Variants in FBXO33 observed in about 807,000 individuals in gnomAD.
The protein encoded by FBXO33 is F-box only protein 33.
A neutral mutation model predicts 46.3 loss-of-function variants in FBXO33; 22 were observed. The ratio of observed to expected loss-of-function variants is 0.48; its 90% CI spans 0.34 to 0.68. The LOEUF (loss-of-function observed/expected upper bound fraction) is 0.68. FBXO33 is among the 30% of genes least tolerant of loss of function. The pLI is 0.01. For synonymous variants in FBXO33, 337 were observed against 291.3 expected, an observed-to-expected ratio of 1.16 and a Z score of -1.60; for missense variants, 692 against 708.8, an observed-to-expected ratio of 0.98 and a Z score of 0.27.
In FBXO33 at chr14:39,432,131, C is replaced by G; in HGVS notation, c.32G>C (p.Arg11Pro). Residue 11 changes from arginine to proline, a missense_variant, in exon 1 of 4, where the codon CGA (arginine) becomes CCA (proline). Arg to Pro is a moderately radical substitution (Grantham distance 103). Transcript: ENST00000298097. MLLFLSVPQP[R>P]PPGARTRAGA... ...GGCTCGGGTTCGAGCTCCCGGCGGT[C>G]GGGGCTGCGGCACTGACAAGAACAA... is the stretch of plus-strand genomic sequence containing the variant. 2 of 1,240,318 alleles carry G rather than the reference C, an allele frequency of 1.6e-6. No individual in the cohort carries two copies. The highest frequency in any genetic ancestry group is 2.0e-6 in the Non-Finnish European group (2 of 993,686). 76.8% of individuals were successfully genotyped at this position (1,240,318 alleles called of 1,614,324 possible).
chr14:39,411,756 C>T (rs1229179270), intron 1 of FBXO33, among the ~76,000 whole-genome samples: 2 of 152,066 alleles, frequency 1.3e-5, no homozygotes, highest in East Asian at 1.9e-4. Flanking sequence ...CTCTTGACCT[C>T]GTGATCCGCC....
chr14:39,401,948 G>A (rs1431695727), intron 2 of FBXO33, 87 bp from the exon 3 acceptor site: 2 of 1,095,472 alleles, frequency 1.8e-6, no homozygotes, highest in Non-Finnish European at 2.6e-6. Flanking sequence ...GCAATGAAAA[G>A]CATGCAATTT....
rs1042299601 is a variant in FBXO33 at position 39,432,237 on chromosome 14, G to A, written c.-75C>T. The A allele has an allele frequency of 5.3e-6, 6 of 1,128,274 alleles. No individual in the cohort carries two copies. The highest frequency in any genetic ancestry group is 3.9e-5 in the East Asian group (1 of 25,698). The allele number at this position is 1,128,274 out of a possible 1,614,324, so 69.9% of individuals were successfully genotyped here. ...AAGTAGAACACAAGTTGTGGAGAGGGGGAAAGGCCTCTGCGGGCGTGGCCT... is the reference window on the plus strand; with the variant it reads ...AAGTAGAACACAAGTTGTGGAGAGGAGGAAAGGCCTCTGCGGGCGTGGCCT... On this transcript the variant is annotated 5_prime_UTR_variant, in exon 1 of 4. Coordinates refer to ENST00000298097, the MANE Select transcript of FBXO33 (RefSeq NM_203301.4).
At chr14:39,431,400 C>T (rs1335842127) in intron 1 of FBXO33, among the ~76,000 whole-genome samples, 164 bp downstream of exon 1, 1 of 152,302 alleles carries the variant, frequency 6.6e-6, no homozygotes, top group African/African-American at 2.4e-5. Context: ...CCCGTTATGC[C>T]TTTCCGCTCA....
chr14:39,426,724 G>C (rs147660539), intron 1 of FBXO33, among the ~76,000 whole-genome samples: 1 of 152,290 alleles, frequency 6.6e-6, no homozygotes, highest in East Asian at 1.9e-4. Context: ...CTTGTGTGTG[G>C]AATGCTATTT....
chr14:39,405,695 G>T (rs2075393313), intron 1 of FBXO33, among the ~76,000 whole-genome samples: 1 of 151,806 alleles, frequency 6.6e-6, no homozygotes, highest in Non-Finnish European at 1.5e-5. Context: ...AACCAACATT[G>T]TGAGAAAAAT....
At chr14:39,413,311 T>A (rs1443844363) in intron 1 of FBXO33, among the ~76,000 whole-genome samples, 1 of 152,244 alleles carries the variant, frequency 6.6e-6, no homozygotes, top group East Asian at 1.9e-4. Flanking sequence ...CATTCCAGTT[T>A]TATGATGAGA....
Position 39,399,589 on chromosome 14 carries a change from T to G in FBXO33, c.1595A>C (p.Glu532Ala). ...GQPWHAVMDI[E>A]SLSVFTEPNR... ...TGGTTCAGTGAAGACACTGAGTGATTCGATGTCCATGACTGCATGCCAAGG... is the reference window on the plus strand; with the variant it reads ...TGGTTCAGTGAAGACACTGAGTGATGCGATGTCCATGACTGCATGCCAAGG... Residue 532 changes from glutamate (E) to alanine (A), a missense_variant, in exon 4 of 4, where the codon GAA becomes GCA. Around this residue, in one of 3 missense-constraint regions of FBXO33, gnomAD observed 94 missense variants for 91.9 expected, o/e 1.02. Coordinates refer to ENST00000298097, the MANE Select transcript of FBXO33 (RefSeq NM_203301.4). The G allele has an allele frequency of 6.2e-7, 1 of 1,613,678 alleles. No homozygotes were observed. The highest frequency in any genetic ancestry group is 8.5e-7 in the Non-Finnish European group (1 of 1,179,792).
chr14:39,407,634 T>C (rs1247542338), intron 1 of FBXO33, among the ~76,000 whole-genome samples: 1 of 152,210 alleles, frequency 6.6e-6, no homozygotes, highest in Non-Finnish European at 1.5e-5. Context: ...AGGATTTCTC[T>C]CTTTTTTAAA....
At chr14:39,430,716 G>C (rs1438214430) in intron 1 of FBXO33, among the ~76,000 whole-genome samples, 1 of 152,164 alleles carries the variant, frequency 6.6e-6, no homozygotes, top group Non-Finnish European at 1.5e-5. Flanking sequence ...AGGTTCTTTA[G>C]AATATCCATA....
intron 1 of FBXO33, among the ~76,000 whole-genome samples, chr14:39,418,175 T>G (rs1382214220): frequency 6.6e-6 from 1 of 151,810 alleles, no homozygotes; most frequent in East Asian, 2.0e-4. Context: ...GTCATTCTCC[T>G]GCCTCAGCCT....
chr14:39,426,571 C>T (rs2075516206), intron 1 of FBXO33, among the ~76,000 whole-genome samples: 1 of 152,126 alleles, frequency 6.6e-6, no homozygotes, highest in Non-Finnish European at 1.5e-5. Context: ...CCTACCTAAC[C>T]CCAATTCTTC....
At chr14:39,403,950 T>C (rs2075380766) in intron 1 of FBXO33, among the ~76,000 whole-genome samples, 2 of 151,934 alleles carry the variant, frequency 1.3e-5, no homozygotes, top group South Asian at 4.2e-4. Flanking sequence ...CACAGGCATG[T>C]GCCACCATAT....
At chr14:39,420,920 G>A (rs1158318466) in intron 1 of FBXO33, among the ~76,000 whole-genome samples, 1 of 152,138 alleles carries the variant, frequency 6.6e-6, no homozygotes, top group African/African-American at 2.4e-5. Flanking sequence ...AAATAATAGA[G>A]AAGCCTAACT....
intron 1 of FBXO33, among the ~76,000 whole-genome samples, 187 bp downstream of exon 1, chr14:39,431,377 T>G (rs2075548176): frequency 6.6e-6 from 1 of 152,148 alleles, no homozygotes; most frequent in Non-Finnish European, 1.5e-5. Flanking sequence ...GTTTATAAAG[T>G]ATCGTGATGA....
rs536423553 is a variant in FBXO33 at position 39,429,815 on chromosome 14, T to C, written c.599+1749A>G. ...ATCGGTGGCCTTATAGAGAAGCAGA[T>C]TGGGATGCTAATAAAAATTGTAGGG... On this transcript the variant is annotated intron_variant, in intron 1 of 3. Transcript: ENST00000298097. 3.9e-5 allele frequency among the ~76,000 whole-genome samples: 6 copies of C among 152,186 alleles called. No homozygotes were observed. The South Asian group carries it at 1.0e-3, about 26-fold the overall frequency.
chr14:39,428,682 T>C (rs904093012), intron 1 of FBXO33, among the ~76,000 whole-genome samples: 1 of 152,212 alleles, frequency 6.6e-6, no homozygotes, highest in Non-Finnish European at 1.5e-5. Context: ...ATCATAAATC[T>C]TACCATGAGC....
chr14:39,420,824 T>C (rs932586038), intron 1 of FBXO33, among the ~76,000 whole-genome samples: 4 of 152,292 alleles, frequency 2.6e-5, no homozygotes, highest in Non-Finnish European at 4.4e-5. Context: ...CAAGTAAAAT[T>C]AGAAAACAAG....
chr14:39,400,356 T>C (rs1237060557), intron 3 of FBXO33, among the ~76,000 whole-genome samples: 1 of 152,198 alleles, frequency 6.6e-6, no homozygotes, highest in African/African-American at 2.4e-5. Context: ...TAAAGAGGAA[T>C]GAATACGGGG....
Sources: gnomAD v4.1 joint callset for allele counts (sites outside exome capture counted in the v4.1 genomes callset) on GRCh38, gnomAD v4.1.1 for gene constraint, gnomAD v4.1.1 regional missense constraint, MANE v1.5 for transcripts, NCBI Gene and HGNC (gene_info 2026-07-23, HGNC 2026-07-21) for gene names.